Variants in SCFD2 observed in about 807,000 individuals in gnomAD.
SCFD2 encodes the protein sec1 family domain containing 2, also known as sec1 family domain-containing protein 2.
A neutral mutation model predicts 58.9 loss-of-function variants in SCFD2; 54 were observed. The ratio of observed to expected loss-of-function variants is 0.92; its 90% CI spans 0.74 to 1.15. SCFD2 has a LOEUF of 1.15. SCFD2 is among the 50% of genes most tolerant of loss of function. SCFD2 has a pLI of 0.00. For synonymous variants in SCFD2, 321 were observed against 335.9 expected (o/e 0.96, Z 0.49); for missense variants, 805 against 836.6 (o/e 0.96, Z 0.47).
intron 3 of SCFD2, among the ~76,000 whole-genome samples, chr4:53,286,512 C>T (rs1444221400): frequency 6.6e-6 from 1 of 152,134 alleles, no homozygotes; most frequent in East Asian, 1.9e-4. Flanking sequence ...GTACCTCACT[C>T]CCCAAGGACC....
At chr4:53,342,796 T>G (rs1389071196) in intron 2 of SCFD2, among the ~76,000 whole-genome samples, 1 of 152,166 alleles carries the variant, frequency 6.6e-6, no homozygotes, top group Non-Finnish European at 1.5e-5. Context: ...AACTCAGGAT[T>G]AAGAAACTCA....
intron 2 of SCFD2, among the ~76,000 whole-genome samples, chr4:53,331,111 C>G (rs1342251474): frequency 6.6e-6 from 1 of 151,502 alleles, no homozygotes; most frequent in Non-Finnish European, 1.5e-5. Context: ...CCTGAGTGAC[C>G]TACAAAGAGA....
At chr4:52,916,558 A>G (rs936628705) in intron 6 of SCFD2, among the ~76,000 whole-genome samples, 1 of 152,192 alleles carries the variant, frequency 6.6e-6, no homozygotes, top group Non-Finnish European at 1.5e-5. Context: ...TCTGCGACAG[A>G]GTGAGACTCT....
At chr4:53,214,469 T>C (rs1436095939) in intron 4 of SCFD2, among the ~76,000 whole-genome samples, 1 of 152,160 alleles carries the variant, frequency 6.6e-6, no homozygotes, top group Non-Finnish European at 1.5e-5. Context: ...GAGAAGTGTC[T>C]GTTCATATCC....
At chr4:53,133,327 C>CAAAAAAAA (rs34787254) in intron 5 of SCFD2, among the ~76,000 whole-genome samples, 1 of 83,234 alleles carries the variant, frequency 1.2e-5, no homozygotes, top group Admixed American at 1.3e-4. Flanking sequence ...GACTCCGTCT[C>CAAAAAAAA]AAAAAAAAAA....
chr4:53,084,590 C>T lies in SCFD2; in HGVS notation c.1561+60743G>A, dbSNP rs1214332609. ...AAATTATAAAAGTATTATTTGGGAA[C>T]TGATAAATGTCCATATTAATATGAA... On this transcript the variant is annotated intron_variant, in intron 5 of 8. Transcript: ENST00000401642. Among the ~76,000 whole-genome samples, 3 of 152,166 alleles carry T rather than the reference C, an allele frequency of 2.0e-5. No individual in the cohort carries two copies. The East Asian group carries it at 5.8e-4, about 29-fold the overall frequency.
chr4:53,224,406 A>G lies in SCFD2; in HGVS notation c.1311+49420T>C, dbSNP rs1305141950. ...TCCGTCTCAAAAAAAAAAAAAAAAGAGTCTTACATTTTCTGCCAGTTCCCG... is the reference window on the plus strand; with the variant it reads ...TCCGTCTCAAAAAAAAAAAAAAAAGGGTCTTACATTTTCTGCCAGTTCCCG... On this transcript the variant is annotated intron_variant, in intron 4 of 8. Coordinates refer to ENST00000401642, the MANE Select transcript of SCFD2 (RefSeq NM_152540.4). Among the ~76,000 whole-genome samples, 3 of 141,992 alleles carry G rather than the reference A, an allele frequency of 2.1e-5. No individual in the cohort carries two copies. The East Asian group carries it at 6.2e-4, about 29-fold the overall frequency. The allele number at this position is 141,992 out of a possible 152,430, so 93.2% of individuals were successfully genotyped here.
intron 5 of SCFD2, among the ~76,000 whole-genome samples, chr4:53,057,332 A>G (rs1327792948): frequency 6.6e-6 from 1 of 152,196 alleles, no homozygotes. Context: ...TGCAGCCATA[A>G]AAAGGAATGA....
At chr4:52,897,028 G>C (rs1180779429) in intron 7 of SCFD2, among the ~76,000 whole-genome samples, 1 of 152,202 alleles carries the variant, frequency 6.6e-6, no homozygotes, top group Non-Finnish European at 1.5e-5. Flanking sequence ...CTTTGCTGAA[G>C]TTACTTATCA....
intron 4 of SCFD2, among the ~76,000 whole-genome samples, chr4:53,226,610 G>A (rs2149000970): frequency 6.6e-6 from 1 of 152,186 alleles, no homozygotes; most frequent in East Asian, 1.9e-4. Context: ...TATCTGCCAG[G>A]TGGAAAAATA....
chr4:53,271,315 G>A (rs56165758), intron 4 of SCFD2, among the ~76,000 whole-genome samples: 8,653 of 147,290 alleles, frequency 0.059, 320 homozygotes, highest in Non-Finnish European at 0.091. Context: ...ACACACACAC[G>A]CACACACACA....
At chr4:53,270,778 C>T (rs972109995) in intron 4 of SCFD2, among the ~76,000 whole-genome samples, 1 of 152,056 alleles carries the variant, frequency 6.6e-6, no homozygotes, top group Admixed American at 6.6e-5. Flanking sequence ...CCTTAAAATA[C>T]CCATGAATAA....
chr4:53,133,439 C>T (rs1346070078), intron 5 of SCFD2, among the ~76,000 whole-genome samples: 1 of 151,740 alleles, frequency 6.6e-6, no homozygotes, highest in Non-Finnish European at 1.5e-5. Context: ...ATGAAAAATG[C>T]TTTGTTTGAA....
intron 6 of SCFD2, among the ~76,000 whole-genome samples, chr4:52,910,780 T>C (rs1719466090): frequency 6.6e-6 from 1 of 152,160 alleles, no homozygotes; most frequent in Non-Finnish European, 1.5e-5. Flanking sequence ...GCGGTTACAC[T>C]CATGCTGTTC....
intron 4 of SCFD2, among the ~76,000 whole-genome samples, chr4:53,230,885 A>C (rs1175262711): frequency 1.3e-5 from 2 of 152,140 alleles, no homozygotes; most frequent in Admixed American, 1.3e-4. Context: ...AAAATGCCTC[A>C]CTAACTATAA....
intron 5 of SCFD2, among the ~76,000 whole-genome samples, chr4:52,947,498 C>A (rs1362732412): frequency 1.3e-5 from 2 of 151,938 alleles, no homozygotes; most frequent in African/African-American, 2.4e-5. Flanking sequence ...TTAAGAATAA[C>A]CATGAAAAAT....
chr4:53,184,038 T>A (rs558742391), intron 4 of SCFD2, among the ~76,000 whole-genome samples: 44 of 152,284 alleles, frequency 2.9e-4, no homozygotes, highest in African/African-American at 1.0e-3. Flanking sequence ...ATTAGCTAGA[T>A]AACGTAACCT....
chr4:53,100,454 GA>G (rs1209049496), intron 5 of SCFD2, among the ~76,000 whole-genome samples: 3 of 152,162 alleles, frequency 2.0e-5, no homozygotes, highest in Non-Finnish European at 4.4e-5. Context: ...TGAATGGATA[GA>G]AATGGTTTCA....
chr4:53,137,056 T>C (rs1489343497), intron 5 of SCFD2, among the ~76,000 whole-genome samples: 1 of 152,220 alleles, frequency 6.6e-6, no homozygotes, highest in Non-Finnish European at 1.5e-5. Context: ...CAAATACAAG[T>C]TTCCTACCTA....
Sources: allele counts gnomAD v4.1 joint callset (sites outside exome capture counted in the v4.1 genomes callset), GRCh38; gene constraint gnomAD v4.1.1; transcripts MANE v1.5; gene names NCBI Gene and HGNC (gene_info 2026-07-23, HGNC 2026-07-21).